The following DLG2 variants were observed in gnomAD, a reference collection of about 807,000 sequenced individuals.
DLG2 encodes disks large homolog 2.
DLG2 carries 45 observed loss-of-function variants against 132.5 expected under a neutral mutation model. The ratio of observed to expected loss-of-function variants is 0.34; its 90% CI spans 0.27 to 0.44. The LOEUF is 0.44. Among genes scored for constraint, DLG2 ranks in the 20% least tolerant of loss-of-function variants. The pLI is 1.00. For synonymous variants in DLG2, 424 were observed against 419.6 expected (o/e 1.01, Z -0.13); for missense variants, 1,045 against 1,196.9 (o/e 0.87, Z 1.87).
intron 18 of DLG2, chr11:83,645,637 A>G (rs2067940574): frequency 6.6e-6 from 1 of 152,132 alleles, no homozygotes; most frequent in Admixed American, 6.6e-5. Context: ...TTTAAGAAAA[A>G]ATCCCAAGCA....
intron 7 of DLG2, among the ~76,000 whole-genome samples, chr11:84,523,328 A>C (rs1372174927): frequency 6.6e-6 from 1 of 152,176 alleles, no homozygotes; most frequent in East Asian, 1.9e-4. Context: ...GTTAGAAGTT[A>C]ATAGATTTAC....
chr11:84,360,574 A>G (rs1315669520), intron 7 of DLG2, among the ~76,000 whole-genome samples: 1 of 152,010 alleles, frequency 6.6e-6, no homozygotes, highest in African/African-American at 2.4e-5. Flanking sequence ...GGCAGTTTTC[A>G]GGAAAGAGAA....
In DLG2 at chr11:84,074,529, A is replaced by ATTTTTTT. The variant is rs59822508; in HGVS notation, c.750-15052_750-15046dup. ...CTCTAGACGGAAACCAGAGTTTCTA[A>ATTTTTTT]TTTTTTTTTTTTTTTTTGAGGTGGA... On this transcript the variant is annotated intron_variant, in intron 10 of 27. Coordinates refer to ENST00000376104, the MANE Select transcript of DLG2 (RefSeq NM_001142699.3). Among the ~76,000 whole-genome samples, 53 of 139,350 alleles carry ATTTTTTT rather than the reference A, an allele frequency of 3.8e-4. 1 individual carries two copies. Among genetic ancestry groups the ATTTTTTT allele is most frequent in the African/African-American group, 1.4e-3 (52 of 36,890 alleles). The allele number at this position is 139,350 out of a possible 152,430, so 91.4% of individuals were successfully genotyped here.
At chr11:85,514,062 C>T (rs1449700323) in intron 3 of DLG2, among the ~76,000 whole-genome samples, 4 of 152,028 alleles carry the variant, frequency 2.6e-5, no homozygotes, top group East Asian at 1.9e-4. Flanking sequence ...ATATTTCAGA[C>T]CCTTGCAGAG....
chr11:85,339,676 T>G (rs749082832), intron 3 of DLG2, among the ~76,000 whole-genome samples: 12 of 152,262 alleles, frequency 7.9e-5, no homozygotes, highest in Non-Finnish European at 1.8e-4. Flanking sequence ...TCAAAAATTT[T>G]TATTGGCTTT....
At chr11:83,476,064 A>G (rs1282505207) in intron 22 of DLG2, among the ~76,000 whole-genome samples, 1 of 152,092 alleles carries the variant, frequency 6.6e-6, no homozygotes, top group Non-Finnish European at 1.5e-5. Context: ...AGAAAAGCAA[A>G]TTGCCATTCT....
rs532856878 is a variant in DLG2, at chr11:84,961,039, T to C, written c.357+150622A>G. On this transcript the variant is annotated intron_variant, in intron 6 of 27. Transcript: ENST00000376104. ...GTTGAGAATCTGCTCTGTAGTTATATATTGAAATGTAAATATATTGAAATG... is the reference window on the plus strand; with the variant it reads ...GTTGAGAATCTGCTCTGTAGTTATACATTGAAATGTAAATATATTGAAATG... Among the ~76,000 whole-genome samples, 5 of 152,162 alleles carry C rather than the reference T, an allele frequency of 3.3e-5. No homozygotes were observed. In the South Asian group the frequency reaches 8.3e-4, roughly 25 times the overall value.
At chr11:84,009,187 T>C (rs1396643719) in intron 11 of DLG2, among the ~76,000 whole-genome samples, 2 of 152,000 alleles carry the variant, frequency 1.3e-5, no homozygotes, top group South Asian at 4.1e-4. Context: ...ATTTTGGTCC[T>C]GATTCAGGAA....
At chr11:85,393,692 A>T (rs1394085472) in intron 3 of DLG2, among the ~76,000 whole-genome samples, 1 of 149,832 alleles carries the variant, frequency 6.7e-6, no homozygotes, top group Admixed American at 6.7e-5. Context: ...TCATTATTTC[A>T]TTCCTTTTTA....
chr11:84,901,018 T>C (rs950673411), intron 6 of DLG2, among the ~76,000 whole-genome samples: 2 of 151,948 alleles, frequency 1.3e-5, no homozygotes, highest in African/African-American at 2.4e-5. Flanking sequence ...ACTTAGCGAG[T>C]CCATATGTAA....
chr11:84,510,198 A>G (rs939300784), intron 7 of DLG2, among the ~76,000 whole-genome samples: 1 of 151,692 alleles, frequency 6.6e-6, no homozygotes, highest in Non-Finnish European at 1.5e-5. Context: ...CAAAAGAAGT[A>G]TTAGTTATTA....
intron 18 of DLG2, among the ~76,000 whole-genome samples, chr11:83,685,011 T>A (rs1185980146): frequency 6.6e-6 from 1 of 152,188 alleles, no homozygotes; most frequent in Non-Finnish European, 1.5e-5. Context: ...AAATTAGTGA[T>A]GGTGCTAGTA....
At position 84,766,732 on chromosome 11, in the gene DLG2, T is replaced by G. The variant is rs183182447; in HGVS notation, c.358-232001A>C. Among the ~76,000 whole-genome samples, 6 of 152,140 alleles carry G rather than the reference T, an allele frequency of 3.9e-5. No homozygotes were observed. The East Asian group carries it at 1.2e-3, about 29-fold the overall frequency. The stretch of plus-strand genomic sequence containing the variant: ...TAGACACTACGTTTATTGTTTAGGG[T>G]AATTAGTAGGGGAGGAAAGATGGTT... On this transcript the variant is annotated intron_variant, in intron 6 of 27. Transcript: ENST00000376104.
At chr11:83,633,727 A>T (rs1159972834) in intron 18 of DLG2, among the ~76,000 whole-genome samples, 1 of 139,490 alleles carries the variant, frequency 7.2e-6, no homozygotes, top group Non-Finnish European at 1.5e-5. Context: ...ACGTGTGATA[A>T]AATTACACAG....
chr11:83,781,620 T>G (rs1161814349), intron 18 of DLG2, among the ~76,000 whole-genome samples: 1 of 152,206 alleles, frequency 6.6e-6, no homozygotes, highest in Non-Finnish European at 1.5e-5. Context: ...CGACTTCTTT[T>G]CTACCTGCAG....
chr11:85,372,463 C>T (rs2152919336), intron 3 of DLG2, among the ~76,000 whole-genome samples: 1 of 152,320 alleles, frequency 6.6e-6, no homozygotes, highest in African/African-American at 2.4e-5. Context: ...AGACTCAATT[C>T]CAAGCTTCGG....
chr11:83,687,296 C>T (rs535796969), intron 18 of DLG2, among the ~76,000 whole-genome samples: 1 of 152,308 alleles, frequency 6.6e-6, no homozygotes, highest in South Asian at 2.1e-4. Context: ...TCATTTAGTA[C>T]ATGAGGAAAT....
chr11:84,108,901 A>G (rs2154190277), intron 9 of DLG2, among the ~76,000 whole-genome samples: 1 of 152,216 alleles, frequency 6.6e-6, no homozygotes, highest in South Asian at 2.1e-4. Context: ...GACTGGACTT[A>G]CTGATGGCTG....
At chr11:85,618,766 T>A (rs1205831344) in intron 2 of DLG2, among the ~76,000 whole-genome samples, 1 of 152,192 alleles carries the variant, frequency 6.6e-6, no homozygotes, top group African/African-American at 2.4e-5. Context: ...TGAAGTTTTT[T>A]AAAAATAAAT....
Sources: gnomAD v4.1 joint callset for allele counts (sites outside exome capture counted in the v4.1 genomes callset) on GRCh38, gnomAD v4.1.1 for gene constraint, MANE v1.5 for transcripts, NCBI Gene and HGNC (gene_info 2026-07-23, HGNC 2026-07-21) for gene names.